The following THAP5 variants were observed in gnomAD, a reference collection of about 807,000 sequenced individuals.
The protein encoded by THAP5 is THAP domain-containing protein 5.
In THAP5, 26 loss-of-function variants were observed where a neutral mutation model predicts 34.0. The observed-to-expected ratio is 0.77, with a 90% CI of 0.56 to 1.06. THAP5 has a LOEUF of 1.06. THAP5 is among the 50% of genes least tolerant of loss of function. The pLI, the probability that THAP5 is intolerant of heterozygous loss-of-function variation, is 0.00. For missense variants in THAP5, 394 were observed against 452.8 expected (o/e 0.87, Z 1.18); for synonymous variants, 125 against 153.0 (o/e 0.82, Z 1.35).
At position 108,569,662 on chromosome 7, in the gene THAP5, C is replaced by G. The variant is rs1271367660; in HGVS notation, c.-93G>C. The stretch of plus-strand genomic sequence containing the variant: ...GCGCCACAGGTCCAGGCCTCTCGAG[C>G]CCCTGCGCCTGCGCTAGCATTCTGC... On this transcript the variant is annotated 5_prime_UTR_variant, in exon 1 of 3. Coordinates refer to ENST00000415914, the MANE Select transcript of THAP5 (RefSeq NM_001130475.3). 6.8e-7 allele frequency: 1 copy of G among 1,471,184 alleles called. No homozygotes were observed. Among genetic ancestry groups the G allele is most frequent in the Non-Finnish European group, 9.2e-7 (1 of 1,089,060 alleles). 91.1% of individuals were successfully genotyped at this position (1,471,184 alleles called of 1,614,324 possible).
intron 1 of THAP5, among the ~76,000 whole-genome samples, chr7:108,568,062 C>T (rs1251442491): frequency 1.3e-5 from 2 of 152,146 alleles, no homozygotes; most frequent in African/African-American, 4.8e-5. Flanking sequence ...GAGATAGAGC[C>T]ATTAGTACAG....
At chr7:108,546,047 G>T in the THAP5 span, among the ~76,000 whole-genome samples, 1 of 152,086 alleles carries the variant, frequency 6.6e-6, no homozygotes, top group Non-Finnish European at 1.5e-5. Flanking sequence ...TTCCCATTAG[G>T]TTAACGATCT....
At chr7:108,550,120 G>C (rs1278563900), downstream of THAP5, among the ~76,000 whole-genome samples, 1 of 152,044 alleles carries the variant, frequency 6.6e-6, no homozygotes, top group Non-Finnish European at 1.5e-5. Context: ...CCTTAGAAAG[G>C]GTCCAGAGGA....
chr7:108,569,274 C>T, intron 1 of THAP5: 1 of 1,431,040 alleles, frequency 7.0e-7, no homozygotes, highest in Non-Finnish European at 9.1e-7. Context: ...CCCAAACAGG[C>T]TCCTGGGCCT....
chr7:108,542,722 C>T, the THAP5 span, among the ~76,000 whole-genome samples: 1 of 152,156 alleles, frequency 6.6e-6, no homozygotes, highest in East Asian at 1.9e-4. Context: ...CTCGGCCTCT[C>T]AAAGTGCTGG....
At chr7:108,545,220 G>C in the THAP5 span, among the ~76,000 whole-genome samples, 12 of 152,270 alleles carry the variant, frequency 7.9e-5, no homozygotes, top group African/African-American at 2.9e-4. Context: ...AGTAAATGAA[G>C]CATAGCATTA....
At position 108,562,387 on chromosome 7, in the gene THAP5, G is replaced by A. The variant is rs1320625626; in HGVS notation, c.*1804C>T. 2.6e-5 allele frequency: 4 copies of A among 151,984 alleles called. No homozygotes were observed. Among genetic ancestry groups the A allele is most frequent in the African/African-American group, 7.3e-5 (3 of 41,374 alleles). 9.4% of individuals were successfully genotyped at this position (151,984 alleles called of 1,614,324 possible). On this transcript the variant is annotated 3_prime_UTR_variant, in exon 3 of 3. Transcript: ENST00000415914. ...AAAAATTTTAAGTTTTTCCCCCATCGTCACCTAAGACATTTCTAATCTTTT... is the reference window on the plus strand; with the variant it reads ...AAAAATTTTAAGTTTTTCCCCCATCATCACCTAAGACATTTCTAATCTTTT...
At chr7:108,550,469 A>AT (rs34265124), downstream of THAP5, among the ~76,000 whole-genome samples, 86,000 of 151,158 alleles carry the variant, frequency 0.57, 24,733 homozygotes, top group African/African-American at 0.65. Context: ...TCTTTGCTCC[A>AT]TTTTTTTTTC....
intron 1 of THAP5, among the ~76,000 whole-genome samples, chr7:108,556,802 G>A (rs1165285293): frequency 1.3e-5 from 2 of 152,208 alleles, no homozygotes; most frequent in African/African-American, 4.8e-5. Context: ...GTCCCAGTAG[G>A]GACTCTGTGT....
chr7:108,547,438 C>A, the THAP5 span, among the ~76,000 whole-genome samples: 2 of 152,164 alleles, frequency 1.3e-5, no homozygotes, highest in African/African-American at 4.8e-5. Context: ...AGATTAGGTT[C>A]TCTCTGAAAT....
chr7:108,560,072 T>G (rs935665649), downstream of THAP5, among the ~76,000 whole-genome samples: 8 of 152,234 alleles, frequency 5.3e-5, no homozygotes, highest in African/African-American at 1.7e-4. Flanking sequence ...ATGTTAAAAC[T>G]ATTTATTAGT....
the THAP5 span, among the ~76,000 whole-genome samples, chr7:108,546,520 C>A: frequency 6.6e-6 from 1 of 151,946 alleles, no homozygotes; most frequent in Admixed American, 6.6e-5. Flanking sequence ...ACAACAACAA[C>A]AAAAATAGGA....
At chr7:108,568,073 T>A (rs1488033422) in intron 1 of THAP5, among the ~76,000 whole-genome samples, 1 of 152,362 alleles carries the variant, frequency 6.6e-6, no homozygotes, top group South Asian at 2.1e-4. Context: ...ATTAGTACAG[T>A]AGTATTTCCC....
At chr7:108,547,225 C>T in the THAP5 span, among the ~76,000 whole-genome samples, 5 of 152,160 alleles carry the variant, frequency 3.3e-5, no homozygotes, top group East Asian at 1.9e-4. Flanking sequence ...CACTGATGAA[C>T]GGATTAACTT....
At chr7:108,561,300 G>A (rs1864428087), downstream of THAP5, among the ~76,000 whole-genome samples, 1 of 150,570 alleles carries the variant, frequency 6.6e-6, no homozygotes, top group South Asian at 2.1e-4. Context: ...GTCTCACTTT[G>A]ATGCCCAGGC....
chr7:108,560,741 T>C (rs547147973), downstream of THAP5, among the ~76,000 whole-genome samples: 84 of 152,324 alleles, frequency 5.5e-4, no homozygotes, highest in African/African-American at 1.9e-3. Flanking sequence ...ACAACTGTAC[T>C]GCAACTTTTT....
chr7:108,561,998 GCAGTACACTTAAC>G (rs1864438456), downstream of THAP5, among the ~76,000 whole-genome samples: 1 of 152,168 alleles, frequency 6.6e-6, no homozygotes, highest in African/African-American at 2.4e-5. Flanking sequence ...TGAAATATCT[GCAGTACACTTAAC>G]AGCTGAGCAT....
At chr7:108,568,879 A>C (rs1452733171) in intron 1 of THAP5, among the ~76,000 whole-genome samples, 1 of 152,326 alleles carries the variant, frequency 6.6e-6, no homozygotes, top group African/African-American at 2.4e-5. Context: ...TCTGAATAAA[A>C]ATCAGTGCTT....
chr7:108,565,919 T>C lies in THAP5; in HGVS notation c.184A>G (p.Thr62Ala). Reference protein sequence around the residue: ...KYQFLCSDHFTPDSLDIRWGI... With the variant: ...KYQFLCSDHFAPDSLDIRWGI... ...CATCTGATGTCAAGAGAGTCAGGAG[T>C]AAAATGGTCACTACATAGAAACTGG... The change falls in exon 2 of 3, where the codon ACT becomes GCT. Residue 62 changes from threonine to alanine, a missense_variant. Transcript: ENST00000415914. 6.4e-7 allele frequency: 1 copy of C among 1,550,622 alleles called. No individual in the cohort carries two copies. The highest frequency in any genetic ancestry group is 8.7e-7 in the Non-Finnish European group (1 of 1,146,852).
Sources: gnomAD v4.1 joint callset for allele counts (sites outside exome capture counted in the v4.1 genomes callset) on GRCh38, gnomAD v4.1.1 for gene constraint, MANE v1.5 for transcripts, NCBI Gene and HGNC (gene_info 2026-07-23, HGNC 2026-07-21) for gene names.